The following CDH12 variants were observed in gnomAD, a reference collection of about 807,000 sequenced individuals.
The protein encoded by CDH12 is cadherin 12.
A neutral mutation model predicts 74.1 loss-of-function variants in CDH12; 41 were observed. The ratio of observed to expected loss-of-function variants is 0.55; its 90% CI spans 0.43 to 0.72. The LOEUF (loss-of-function observed/expected upper bound fraction) is 0.72. Ranked by LOEUF, CDH12 falls within the 30% of genes least tolerant of loss-of-function variation. The pLI, the probability that CDH12 is intolerant of heterozygous loss-of-function variation, is 0.00. For synonymous variants in CDH12, 399 were observed against 355.0 expected (o/e 1.12, Z -1.39); for missense variants, 945 against 977.2 (o/e 0.97, Z 0.44).
Position 21,816,938 on chromosome 5 carries a change from T to C in CDH12, c.1002+7A>G. 6.3e-7 allele frequency: 1 copy of C among 1,581,280 alleles called. No individual in the cohort carries two copies. The highest frequency in any genetic ancestry group is 2.3e-5 in the East Asian group (1 of 44,394). ...GTAGTCAACTGTCCCAACATTTGTC[T>C]ATATACCTTTTTCAATTTGATGACT... is the stretch of plus-strand genomic sequence containing the variant. On this transcript the variant is annotated splice_region_variant and intron_variant, in intron 9 of 14. Transcript: ENST00000382254.
intron 3 of CDH12, among the ~76,000 whole-genome samples, chr5:22,304,446 T>G (rs1419766438): frequency 1.3e-5 from 2 of 152,206 alleles, no homozygotes; most frequent in African/African-American, 2.4e-5. Flanking sequence ...AAGTCATACA[T>G]GTATATATTA....
chr5:22,796,451 T>G (rs1239163933), intron 1 of CDH12, among the ~76,000 whole-genome samples: 1 of 152,154 alleles, frequency 6.6e-6, no homozygotes, highest in South Asian at 2.1e-4. Flanking sequence ...TGAACATTTT[T>G]TTCATATTCC....
At chr5:22,133,678 G>T (rs1470264942) in intron 4 of CDH12, among the ~76,000 whole-genome samples, 1 of 152,054 alleles carries the variant, frequency 6.6e-6, no homozygotes, top group Non-Finnish European at 1.5e-5. Flanking sequence ...GCATGTAAAA[G>T]AAGCAATTTC....
At chr5:21,846,877 C>G (rs955739363) in intron 7 of CDH12, among the ~76,000 whole-genome samples, 3 of 152,070 alleles carry the variant, frequency 2.0e-5, no homozygotes, top group African/African-American at 7.2e-5. Flanking sequence ...CAGCATATGA[C>G]AAAAAAATTT....
chr5:22,106,664 C>A (rs1387361631), intron 4 of CDH12, among the ~76,000 whole-genome samples: 2 of 152,216 alleles, frequency 1.3e-5, no homozygotes, highest in Non-Finnish European at 2.9e-5. Flanking sequence ...TATCCCATGG[C>A]TCCAAGCCTG....
intron 3 of CDH12, among the ~76,000 whole-genome samples, chr5:22,266,108 T>C (rs1736091468): frequency 6.6e-6 from 1 of 151,638 alleles, no homozygotes; most frequent in Non-Finnish European, 1.5e-5. Flanking sequence ...AGAGTTTCGC[T>C]CTTGTCGCTT....
rs142995906 is a variant in CDH12, at chr5:21,927,053, C to A, written c.526+48038G>T. The stretch of plus-strand genomic sequence containing the variant: ...TATGGGACCACTTGGAGTTTGTGGT[C>A]ATAGCAAACAAGTCAGCATGGCTGT... On this transcript the variant is annotated intron_variant, in intron 6 of 14. Coordinates refer to ENST00000382254, the MANE Select transcript of CDH12 (RefSeq NM_004061.5). Among the ~76,000 whole-genome samples the A allele has an allele frequency of 3.5e-3, 538 of 152,258 alleles. 1 individual carries two copies. Among genetic ancestry groups the A allele is most frequent in the African/African-American group, 0.012 (507 of 41,552 alleles).
intron 6 of CDH12, among the ~76,000 whole-genome samples, chr5:21,858,640 C>T (rs1454266326): frequency 1.3e-5 from 2 of 151,876 alleles, no homozygotes; most frequent in Non-Finnish European, 2.9e-5. Context: ...AAGTGCCAGG[C>T]ACACTGTCCA....
At chr5:21,879,616 A>T (rs2150029300) in intron 6 of CDH12, among the ~76,000 whole-genome samples, 1 of 152,336 alleles carries the variant, frequency 6.6e-6, no homozygotes, top group South Asian at 2.1e-4. Flanking sequence ...TATTTTTAAA[A>T]ATATTTTGGT....
intron 3 of CDH12, among the ~76,000 whole-genome samples, chr5:22,296,665 A>C (rs1367128601): frequency 1.3e-5 from 2 of 152,216 alleles, no homozygotes; most frequent in African/African-American, 4.8e-5. Flanking sequence ...TTTCAAATAT[A>C]CATGCTATCT....
intron 5 of CDH12, among the ~76,000 whole-genome samples, chr5:22,026,255 C>T (rs539610969): frequency 6.6e-6 from 1 of 152,242 alleles, no homozygotes; most frequent in East Asian, 1.9e-4. Context: ...ACTGGTTAGA[C>T]ATGATCCCTA....
intron 1 of CDH12, among the ~76,000 whole-genome samples, chr5:22,730,364 G>A (rs938449770): frequency 3.3e-5 from 5 of 151,622 alleles, no homozygotes; most frequent in African/African-American, 1.2e-4. Flanking sequence ...AGTTTTTCAT[G>A]AGCTATATTT....
chr5:22,239,077 A>G (rs529259734), intron 3 of CDH12, among the ~76,000 whole-genome samples: 5 of 152,230 alleles, frequency 3.3e-5, no homozygotes, highest in Non-Finnish European at 7.3e-5. Flanking sequence ...CCTGGTTATA[A>G]GAAAGATGCA....
At chr5:22,163,045 C>T (rs1250384690) in intron 4 of CDH12, among the ~76,000 whole-genome samples, 7 of 151,964 alleles carry the variant, frequency 4.6e-5, no homozygotes, top group Non-Finnish European at 1.0e-4. Flanking sequence ...TACAAGCGCC[C>T]GTCACCGCGC....
intron 5 of CDH12, among the ~76,000 whole-genome samples, chr5:22,007,461 G>A (rs1326704155): frequency 6.6e-6 from 1 of 151,680 alleles, no homozygotes; most frequent in Non-Finnish European, 1.5e-5. Flanking sequence ...CTTTTTTTTA[G>A]TTAAAAAAAT....
chr5:22,673,766 G>A (rs1409755140), intron 1 of CDH12, among the ~76,000 whole-genome samples: 1 of 152,074 alleles, frequency 6.6e-6, no homozygotes, highest in East Asian at 1.9e-4. Flanking sequence ...TACTCATAAA[G>A]ATAATTTTAA....
intron 8 of CDH12, among the ~76,000 whole-genome samples, chr5:21,839,682 T>C (rs1749731230): frequency 6.6e-6 from 1 of 152,194 alleles, no homozygotes; most frequent in African/African-American, 2.4e-5. Flanking sequence ...GCTAAATATC[T>C]TCAATATTAT....
At chr5:22,750,221 G>T (rs2127032907) in intron 1 of CDH12, among the ~76,000 whole-genome samples, 1 of 152,202 alleles carries the variant, frequency 6.6e-6, no homozygotes, top group Admixed American at 6.5e-5. Context: ...ACTTATTCTG[G>T]AACATGAACA....
intron 4 of CDH12, among the ~76,000 whole-genome samples, chr5:22,183,414 C>A (rs1210149747): frequency 6.6e-6 from 1 of 152,058 alleles, no homozygotes; most frequent in Non-Finnish European, 1.5e-5. Context: ...GCACAGACTA[C>A]TTTTAAAATA....
Sources: allele counts gnomAD v4.1 joint callset (sites outside exome capture counted in the v4.1 genomes callset), GRCh38; gene constraint gnomAD v4.1.1; transcripts MANE v1.5; gene names NCBI Gene and HGNC (gene_info 2026-07-23, HGNC 2026-07-21).